Variants in PATJ observed in about 807,000 individuals in gnomAD.
The protein encoded by PATJ is PATJ crumbs cell polarity complex component.
In PATJ, 190 loss-of-function variants were observed where a neutral mutation model predicts 224.9. The observed-to-expected ratio is 0.84, with a 90% CI of 0.75 to 0.95. PATJ has a LOEUF of 0.95. PATJ is among the 40% of genes least tolerant of loss of function. The pLI, the probability that PATJ is intolerant of heterozygous loss-of-function variation, is 0.00. For synonymous variants in PATJ, 769 were observed against 820.3 expected, an observed-to-expected ratio of 0.94 and a Z score of 1.07; for missense variants, 2,121 against 2,270.3, an observed-to-expected ratio of 0.93 and a Z score of 1.34.
chr1:61,885,716 A>G (rs1668729080), intron 22 of PATJ, among the ~76,000 whole-genome samples: 1 of 152,042 alleles, frequency 6.6e-6, no homozygotes, highest in East Asian at 1.9e-4. Flanking sequence ...TGCTATAAAG[A>G]CACATGCACA....
intron 29 of PATJ, among the ~76,000 whole-genome samples, chr1:62,020,448 A>T (rs1454603340): frequency 6.6e-6 from 1 of 152,212 alleles, no homozygotes; most frequent in Non-Finnish European, 1.5e-5. Context: ...CAAAGGAAAT[A>T]ATGTAATGCA....
chr1:61,748,003 C>T (rs936626178), intron 1 of PATJ, among the ~76,000 whole-genome samples: 1 of 152,176 alleles, frequency 6.6e-6, no homozygotes, highest in Non-Finnish European at 1.5e-5. Flanking sequence ...GCCTCAGTCT[C>T]CCAAGTAGCT....
At chr1:61,942,023 C>T (rs952608176) in intron 27 of PATJ, among the ~76,000 whole-genome samples, 2 of 152,188 alleles carry the variant, frequency 1.3e-5, no homozygotes, top group East Asian at 3.8e-4. Context: ...TCTTGCACTG[C>T]TTCAGTGGTG....
At position 61,766,361 on chromosome 1, in the gene PATJ, C is replaced by A; in HGVS notation, c.272C>A (p.Thr91Asn). The stretch of plus-strand genomic sequence containing the variant: ...TTAGTGTTCACAGATGGTTCCATCA[C>A]TAATGGAAATGTCCACAGGCCCTCT... The part of the protein sequence containing the change: ...GLLVFTDGSI[T>N]NGNVHRPSNN... Residue 91 changes from threonine to asparagine, a missense_variant, in exon 4 of 44, where the codon ACT (threonine) becomes AAT (asparagine). Thr to Asn is a moderately conservative substitution (Grantham distance 65). Transcript: ENST00000642238. 1 of 1,601,710 alleles carries A rather than the reference C, an allele frequency of 6.2e-7. No individual in the cohort carries two copies. The highest frequency in any genetic ancestry group is 2.2e-5 in the East Asian group (1 of 44,728).
At chr1:61,754,457 A>C (rs1415436836) in intron 1 of PATJ, among the ~76,000 whole-genome samples, 1 of 145,080 alleles carries the variant, frequency 6.9e-6, no homozygotes, top group Non-Finnish European at 1.5e-5. Flanking sequence ...TAATTCTCCC[A>C]CCTCAGCCTC....
intron 1 of PATJ, among the ~76,000 whole-genome samples, chr1:61,749,725 A>G (rs1267143456): frequency 3.3e-5 from 5 of 151,132 alleles, no homozygotes; most frequent in Non-Finnish European, 7.4e-5. Context: ...TGCCCAGGCT[A>G]TGGAGTGCAG....
In PATJ at chr1:61,856,076, T is replaced by G. The variant is rs1663610528; in HGVS notation, c.2159T>G (p.Val720Gly). Reference protein sequence around the residue: ...TRSVIVIRSLVADGVAERSGG... With the variant: ...TRSVIVIRSLGADGVAERSGG... Reference sequence around the variant, plus strand: ...TCAGTGATTGTGATCCGCTCCCTGGTAGCAGATGGTGTAGCAGAAAGAAGT... The same window carrying G: ...TCAGTGATTGTGATCCGCTCCCTGGGAGCAGATGGTGTAGCAGAAAGAAGT... Residue 720 changes from valine (V) to glycine (G), a missense_variant, in exon 18 of 44, where the codon GTA (valine) becomes GGA (glycine). Coordinates refer to ENST00000642238, the MANE Select transcript of PATJ (RefSeq NM_001350145.3). 2 of 1,614,086 alleles carry G rather than the reference T, an allele frequency of 1.2e-6. No homozygotes were observed. The highest frequency in any genetic ancestry group is 2.7e-5 in the African/African-American group (2 of 75,040).
chr1:61,846,594 A>G (rs543202805), intron 17 of PATJ, among the ~76,000 whole-genome samples: 2 of 152,240 alleles, frequency 1.3e-5, no homozygotes, highest in South Asian at 4.1e-4. Context: ...ATTTCAACTA[A>G]TGTAATTTTT....
chr1:62,100,996 G>A (rs1253842987), intron 33 of PATJ, among the ~76,000 whole-genome samples: 1 of 152,126 alleles, frequency 6.6e-6, no homozygotes, highest in Non-Finnish European at 1.5e-5. Context: ...GGAGGTAGCA[G>A]ATAAAAGAAA....
chr1:61,884,144 C>G (rs1215861591), intron 21 of PATJ, 93 bp from the exon 22 acceptor site: 2 of 808,230 alleles, frequency 2.5e-6, no homozygotes, highest in African/African-American at 3.5e-5. Flanking sequence ...TGGAAGAGTC[C>G]CCTCCCATAG....
chr1:61,940,159 C>G (rs67786436), intron 27 of PATJ, among the ~76,000 whole-genome samples: 24,211 of 152,074 alleles, frequency 0.16, 2,423 homozygotes, highest in Non-Finnish European at 0.22. Context: ...GACTAAGCCA[C>G]TTAGCCTCTA....
At chr1:61,773,604 T>A (rs944762053) in intron 6 of PATJ, among the ~76,000 whole-genome samples, 3 of 150,882 alleles carry the variant, frequency 2.0e-5, no homozygotes, top group Admixed American at 2.0e-4. Context: ...CTGGTCAACA[T>A]GGTGAAACCC....
intron 1 of PATJ, among the ~76,000 whole-genome samples, chr1:61,749,291 C>T (rs1345360810): frequency 6.6e-6 from 1 of 152,088 alleles, no homozygotes; most frequent in Non-Finnish European, 1.5e-5. Context: ...CAGGCGTGAG[C>T]CACCACACCC....
chr1:62,060,589 A>T (rs983002598), intron 31 of PATJ, among the ~76,000 whole-genome samples: 1 of 152,078 alleles, frequency 6.6e-6, no homozygotes, highest in Admixed American at 6.6e-5. Flanking sequence ...CAGCAGTTCT[A>T]CACTAACATA....
intron 25 of PATJ, among the ~76,000 whole-genome samples, chr1:61,908,970 A>G (rs1187632595): frequency 2.6e-5 from 4 of 152,148 alleles, no homozygotes; most frequent in Admixed American, 2.6e-4. Context: ...ATATTTAATC[A>G]TAAAATTTTT....
rs149457187 is a variant in PATJ at position 61,914,894 on chromosome 1, C to T, written c.3570+230C>T. On this transcript the variant is annotated intron_variant, in intron 26 of 43. Transcript: ENST00000642238. ...CTATAAACGGCCAGTCAGCCATCAA[C>T]GTCTATAGATTTCTTTCCTGTTCAG... Among the ~76,000 whole-genome samples the T allele has an allele frequency of 2.6e-5, 4 of 152,276 alleles. No homozygotes were observed. In the East Asian group the frequency reaches 5.8e-4, roughly 22 times the overall value.
At chr1:61,947,816 A>C (rs1678994582) in intron 27 of PATJ, among the ~76,000 whole-genome samples, 1 of 152,224 alleles carries the variant, frequency 6.6e-6, no homozygotes, top group African/African-American at 2.4e-5. Flanking sequence ...TTCAAACTGT[A>C]CTACAAGGCT....
intron 17 of PATJ, among the ~76,000 whole-genome samples, chr1:61,842,950 G>C (rs147616939): frequency 3.3e-5 from 5 of 152,196 alleles, no homozygotes; most frequent in Admixed American, 6.5e-5. Context: ...CAGAGTGATT[G>C]AATCAGATTA....
intron 14 of PATJ, among the ~76,000 whole-genome samples, chr1:61,821,494 TAGTC>T (rs1657258740): frequency 6.6e-6 from 1 of 152,190 alleles, no homozygotes; most frequent in Non-Finnish European, 1.5e-5. Context: ...GTTGAGGTCT[TAGTC>T]AGCCAGACTC....
Sources: allele counts gnomAD v4.1 joint callset (sites outside exome capture counted in the v4.1 genomes callset), GRCh38; gene constraint gnomAD v4.1.1; transcripts MANE v1.5; gene names NCBI Gene and HGNC (gene_info 2026-07-23, HGNC 2026-07-21).